The following SNAP25 variants were observed in gnomAD, a reference collection of about 807,000 sequenced individuals.
SNAP25 encodes synaptosomal-associated protein 25.
Under a neutral mutation model 28.7 loss-of-function variants are expected in SNAP25, and 3 were observed. The ratio of observed to expected loss-of-function variants is 0.10; its 90% CI spans 0.05 to 0.27. The LOEUF is 0.27. Ranked by LOEUF, SNAP25 falls within the 10% of genes least tolerant of loss-of-function variation. The pLI is 1.00. For synonymous variants in SNAP25, 61 were observed against 88.1 expected (o/e 0.69, Z 1.72); for missense variants, 117 against 278.7 (o/e 0.42, Z 4.13).
chr20:10,261,238 G>T (rs1221448033), intron 1 of SNAP25, among the ~76,000 whole-genome samples: 1 of 152,064 alleles, frequency 6.6e-6, no homozygotes, highest in Non-Finnish European at 1.5e-5. Context: ...CAGCTTTAAG[G>T]TAACTACAAA....
intron 2 of SNAP25, among the ~76,000 whole-genome samples, chr20:10,276,183 C>T (rs2063688328): frequency 6.6e-6 from 1 of 152,148 alleles, no homozygotes; most frequent in Non-Finnish European, 1.5e-5. Context: ...GGTACAGCGG[C>T]TCTCACCTGT....
intron 3 of SNAP25, among the ~76,000 whole-genome samples, chr20:10,282,201 A>G (rs2063791881): frequency 6.8e-6 from 1 of 147,924 alleles, no homozygotes; most frequent in Admixed American, 6.7e-5. Flanking sequence ...GGAAGGAAGG[A>G]AGGAAGGAAG....
chr20:10,297,411 C>A (rs1397316959), intron 6 of SNAP25, among the ~76,000 whole-genome samples: 1 of 152,136 alleles, frequency 6.6e-6, no homozygotes, highest in African/African-American at 2.4e-5. Flanking sequence ...TTTCATTAGA[C>A]AAAGCAAGTC....
intron 1 of SNAP25, among the ~76,000 whole-genome samples, chr20:10,236,813 C>CATAGGGCATTCTGATACCTGGCT (rs2062930813): frequency 6.6e-6 from 1 of 152,070 alleles, no homozygotes; most frequent in South Asian, 2.1e-4. Context: ...CAGGCACTTC[C>CATAGGGCATTCTGATACCTGGCT]ATAGGGCATT....
Position 10,306,452 on chromosome 20 carries a change from T to C in SNAP25, c.*255T>C. 1 of 371,090 alleles carries C rather than the reference T, an allele frequency of 2.7e-6. No individual in the cohort carries two copies. 23.0% of individuals were successfully genotyped at this position (371,090 alleles called of 1,614,324 possible). Reference sequence around the variant, plus strand: ...ACTCCTTGAGGTCTTGAGTTTCATTTTTCATTTTCTCTCCTCGGTGGCATT... The same window carrying C: ...ACTCCTTGAGGTCTTGAGTTTCATTCTTCATTTTCTCTCCTCGGTGGCATT... On this transcript the variant is annotated 3_prime_UTR_variant, in exon 8 of 8. Coordinates refer to ENST00000254976, the MANE Select transcript of SNAP25 (RefSeq NM_130811.4).
At chr20:10,257,791 G>A (rs998084298) in intron 1 of SNAP25, among the ~76,000 whole-genome samples, 1 of 151,034 alleles carries the variant, frequency 6.6e-6, no homozygotes, top group Non-Finnish European at 1.5e-5. Flanking sequence ...GCTGAGGCAG[G>A]AGAATTGCAT....
intron 1 of SNAP25, among the ~76,000 whole-genome samples, chr20:10,240,526 T>TG (rs1023965124): frequency 1.6e-4 from 25 of 152,248 alleles, no homozygotes; most frequent in Admixed American, 5.2e-4. Context: ...ACAGAAATGC[T>TG]GGGGGTCATC....
intron 1 of SNAP25, among the ~76,000 whole-genome samples, chr20:10,260,259 A>C (rs1457075602): frequency 1.3e-5 from 2 of 152,116 alleles, no homozygotes; most frequent in African/African-American, 4.8e-5. Flanking sequence ...TTTAAGGAAA[A>C]CAAGCCTCAG....
chr20:10,222,292 T>A (rs964928061), intron 1 of SNAP25, among the ~76,000 whole-genome samples: 3 of 152,234 alleles, frequency 2.0e-5, no homozygotes, highest in Non-Finnish European at 1.5e-5. Flanking sequence ...TGTGATTAAT[T>A]TCCAAGTGAA....
chr20:10,296,786 T>A, intron 5 of SNAP25, 139 bp from the exon 6 acceptor site: 1 of 1,310,486 alleles, frequency 7.6e-7, no homozygotes, highest in Non-Finnish European at 1.0e-6. Context: ...TGGGTCTGGA[T>A]TATGATATAT....
At chr20:10,231,541 G>A (rs1015332204) in intron 1 of SNAP25, 13 of 152,128 alleles carry the variant, frequency 8.5e-5, no homozygotes, top group African/African-American at 3.1e-4. Flanking sequence ...ATCTCCTGGA[G>A]TTTCCAGATC....
At chr20:10,241,681 T>A (rs2122739901) in intron 1 of SNAP25, among the ~76,000 whole-genome samples, 1 of 152,088 alleles carries the variant, frequency 6.6e-6, no homozygotes, top group East Asian at 1.9e-4. Context: ...GATGGTGTGA[T>A]CAGGTGTTGC....
intron 1 of SNAP25, among the ~76,000 whole-genome samples, chr20:10,225,300 AAAACAT>A (rs2062716355): frequency 6.6e-6 from 1 of 152,018 alleles, no homozygotes; most frequent in South Asian, 2.1e-4. Flanking sequence ...CCACCAAGGT[AAAACAT>A]GGTATCACAA....
chr20:10,255,289 C>T (rs1213443014), intron 1 of SNAP25, among the ~76,000 whole-genome samples: 2 of 152,192 alleles, frequency 1.3e-5, no homozygotes, highest in African/African-American at 2.4e-5. Context: ...GGCCATCAAA[C>T]GATGCTTGCT....
chr20:10,290,628 A>G (rs1384569913), intron 4 of SNAP25, among the ~76,000 whole-genome samples: 1 of 145,544 alleles, frequency 6.9e-6, no homozygotes, highest in Non-Finnish European at 1.5e-5. Context: ...ATATCTTGTC[A>G]GAGAGTTAAT....
intron 5 of SNAP25, among the ~76,000 whole-genome samples, chr20:10,295,769 C>T (rs1308039348): frequency 6.6e-6 from 1 of 152,128 alleles, no homozygotes; most frequent in Non-Finnish European, 1.5e-5. Flanking sequence ...ATGTAAAGAA[C>T]CTAAAAACAT....
At chr20:10,234,951 A>G (rs1224688137) in intron 1 of SNAP25, among the ~76,000 whole-genome samples, 1 of 152,248 alleles carries the variant, frequency 6.6e-6, no homozygotes, top group Non-Finnish European at 1.5e-5. Context: ...TATCCCAGCT[A>G]TTTGAGAGGC....
At chr20:10,286,923 G>A (rs1344696478) in intron 4 of SNAP25, among the ~76,000 whole-genome samples, 1 of 152,098 alleles carries the variant, frequency 6.6e-6, no homozygotes, top group Non-Finnish European at 1.5e-5. Context: ...TGACTTGTTG[G>A]CTGGATCTGT....
intron 4 of SNAP25, among the ~76,000 whole-genome samples, chr20:10,291,961 G>T (rs373960934): frequency 6.6e-6 from 1 of 152,254 alleles, no homozygotes; most frequent in Admixed American, 6.5e-5. Context: ...AATCAAGTTG[G>T]TGTATGTAAC....
Sources: allele counts gnomAD v4.1 joint callset (sites outside exome capture counted in the v4.1 genomes callset), GRCh38; gene constraint gnomAD v4.1.1; transcripts MANE v1.5; gene names NCBI Gene and HGNC (gene_info 2026-07-23, HGNC 2026-07-21).